Variants in CADPS2 observed in about 807,000 individuals in gnomAD.
CADPS2 encodes the protein calcium-dependent secretion activator 2.
CADPS2 carries 93 observed loss-of-function variants against 172.5 expected under a neutral mutation model. The ratio of observed to expected loss-of-function variants is 0.54; its 90% CI spans 0.46 to 0.64. The LOEUF (loss-of-function observed/expected upper bound fraction) is 0.64. Ranked by LOEUF, CADPS2 falls within the 30% of genes least tolerant of loss-of-function variation. The pLI is 0.00. For synonymous variants in CADPS2, 546 were observed against 555.2 expected, an observed-to-expected ratio of 0.98 and a Z score of 0.23; for missense variants, 1,420 against 1,565.9, an observed-to-expected ratio of 0.91 and a Z score of 1.57.
intron 8 of CADPS2, among the ~76,000 whole-genome samples, chr7:122,525,685 A>G (rs1276204737): frequency 6.6e-6 from 1 of 152,204 alleles, no homozygotes; most frequent in Non-Finnish European, 1.5e-5. Context: ...AACAGAGTAG[A>G]CTTACGTAAA....
chr7:122,877,112 C>T lies in CADPS2; in HGVS notation c.339+8887G>A, dbSNP rs191189178. Among the ~76,000 whole-genome samples the T allele has an allele frequency of 1.7e-3, 252 of 152,082 alleles. 2 individuals are homozygous for T. Among genetic ancestry groups the T allele is most frequent in the South Asian group, 0.016 (78 of 4,804 alleles). ...AAATTACCCGAGAAATGCAAATATG[C>T]TTTAATAACAGGAAACCTAGTAATC... On this transcript the variant is annotated intron_variant, in intron 1 of 29. Transcript: ENST00000449022.
chr7:122,516,214 G>T (rs1300109170), intron 8 of CADPS2, among the ~76,000 whole-genome samples: 1 of 152,096 alleles, frequency 6.6e-6, no homozygotes, highest in Non-Finnish European at 1.5e-5. Flanking sequence ...TATGAAAGCA[G>T]TTTCTTAGCA....
intron 12 of CADPS2, among the ~76,000 whole-genome samples, chr7:122,478,104 T>C (rs1340630991): frequency 6.6e-6 from 1 of 152,212 alleles, no homozygotes; most frequent in Non-Finnish European, 1.5e-5. Flanking sequence ...ACAGCCATCA[T>C]CTATATCAAA....
intron 1 of CADPS2, among the ~76,000 whole-genome samples, chr7:122,823,906 TA>T (rs1414848026): frequency 1.3e-5 from 2 of 151,860 alleles, no homozygotes; most frequent in Non-Finnish European, 1.5e-5. Context: ...CTTGTTTTTT[TA>T]AAAAAAAGCT....
At chr7:122,691,860 G>A (rs1177603887) in intron 2 of CADPS2, among the ~76,000 whole-genome samples, 1 of 152,196 alleles carries the variant, frequency 6.6e-6, no homozygotes, top group Non-Finnish European at 1.5e-5. Context: ...TGGGAGAGAT[G>A]TGCACAGTGG....
At chr7:122,853,224 A>G (rs1194118538) in intron 1 of CADPS2, among the ~76,000 whole-genome samples, 2 of 152,176 alleles carry the variant, frequency 1.3e-5, no homozygotes, top group African/African-American at 4.8e-5. Context: ...GATCAGATAA[A>G]CGAGGAAGAA....
intron 2 of CADPS2, among the ~76,000 whole-genome samples, chr7:122,697,273 A>T (rs1354674483): frequency 2.0e-5 from 3 of 152,138 alleles, no homozygotes; most frequent in Non-Finnish European, 2.9e-5. Flanking sequence ...ATTTTGTAAA[A>T]TGTTCATGCC....
chr7:122,497,890 T>C (rs1169827925), intron 9 of CADPS2, among the ~76,000 whole-genome samples: 1 of 152,220 alleles, frequency 6.6e-6, no homozygotes, highest in Non-Finnish European at 1.5e-5. Flanking sequence ...TTTGAAGATA[T>C]TCCATTGTCA....
intron 3 of CADPS2, among the ~76,000 whole-genome samples, chr7:122,646,860 T>C (rs1170684575): frequency 6.6e-6 from 1 of 152,116 alleles, no homozygotes; most frequent in Non-Finnish European, 1.5e-5. Flanking sequence ...CTATGTGAGA[T>C]AATGAAGTCT....
intron 2 of CADPS2, among the ~76,000 whole-genome samples, chr7:122,672,563 A>C (rs2081969194): frequency 1.3e-5 from 2 of 150,880 alleles, no homozygotes; most frequent in South Asian, 4.2e-4. Context: ...AGAGGAGATA[A>C]GTAACTGGCT....
intron 1 of CADPS2, among the ~76,000 whole-genome samples, chr7:122,852,774 G>A (rs1814041057): frequency 6.6e-6 from 1 of 152,224 alleles, no homozygotes; most frequent in South Asian, 2.1e-4. Context: ...GCTTTTACTG[G>A]GAGTGAGATG....
chr7:122,779,206 T>C (rs979218360), intron 1 of CADPS2, among the ~76,000 whole-genome samples: 6 of 152,146 alleles, frequency 3.9e-5, no homozygotes, highest in African/African-American at 1.4e-4. Flanking sequence ...CTTAGCAGTA[T>C]GAAAATGGAC....
chr7:122,362,492 A>G (rs1216857076), intron 25 of CADPS2, among the ~76,000 whole-genome samples: 1 of 152,180 alleles, frequency 6.6e-6, no homozygotes, highest in Non-Finnish European at 1.5e-5. Flanking sequence ...TTATATTTCT[A>G]TGAAATAAAA....
intron 1 of CADPS2, among the ~76,000 whole-genome samples, chr7:122,776,267 C>G (rs1459074953): frequency 6.6e-6 from 1 of 152,110 alleles, no homozygotes; most frequent in Non-Finnish European, 1.5e-5. Flanking sequence ...AGGGCAGATC[C>G]CCTACACATG....
At chr7:122,864,020 A>G (rs2141342996) in intron 1 of CADPS2, among the ~76,000 whole-genome samples, 1 of 152,260 alleles carries the variant, frequency 6.6e-6, no homozygotes, top group East Asian at 1.9e-4. Flanking sequence ...ACAGGGCGAG[A>G]TTCCGTCTCA....
intron 1 of CADPS2, among the ~76,000 whole-genome samples, chr7:122,841,429 G>A (rs1810465012): frequency 6.6e-6 from 1 of 152,096 alleles, no homozygotes; most frequent in Non-Finnish European, 1.5e-5. Flanking sequence ...AAAAGATTGG[G>A]AAGAATTACT....
At chr7:122,638,942 C>T (rs1314645539) in intron 3 of CADPS2, among the ~76,000 whole-genome samples, 1 of 152,234 alleles carries the variant, frequency 6.6e-6, no homozygotes, top group East Asian at 1.9e-4. Context: ...GCAGTACACA[C>T]TAGCTCCTCT....
At chr7:122,721,295 A>C (rs918905170) in intron 2 of CADPS2, among the ~76,000 whole-genome samples, 1 of 152,124 alleles carries the variant, frequency 6.6e-6, no homozygotes, top group Non-Finnish European at 1.5e-5. Flanking sequence ...ACTGCTAGCA[A>C]GACTAATAAA....
At chr7:122,347,672 C>A (rs2037897375) in intron 27 of CADPS2, among the ~76,000 whole-genome samples, 1 of 152,144 alleles carries the variant, frequency 6.6e-6, no homozygotes, top group South Asian at 2.1e-4. Context: ...TTCAATAATT[C>A]TCATGAGCAA....
Sources: allele counts gnomAD v4.1 joint callset (sites outside exome capture counted in the v4.1 genomes callset), GRCh38; gene constraint gnomAD v4.1.1; transcripts MANE v1.5; gene names NCBI Gene and HGNC (gene_info 2026-07-23, HGNC 2026-07-21).